Variants in MARK1 observed in about 807,000 individuals in gnomAD.
MARK1 encodes the protein serine/threonine-protein kinase MARK1.
A neutral mutation model predicts 96.3 loss-of-function variants in MARK1; 40 were observed. The observed-to-expected ratio is 0.42, with a 90% CI of 0.32 to 0.54. The LOEUF (loss-of-function observed/expected upper bound fraction) is 0.54. Among genes scored for constraint, MARK1 ranks in the 20% least tolerant of loss-of-function variants. The probability of loss-of-function intolerance (pLI) is 0.16; values close to 1 mark genes in which losing one functional copy is unlikely to be tolerated. For synonymous variants in MARK1, 317 were observed against 341.2 expected, an observed-to-expected ratio of 0.93 and a Z score of 0.78; for missense variants, 719 against 984.6, an observed-to-expected ratio of 0.73 and a Z score of 3.61.
intron 3 of MARK1, among the ~76,000 whole-genome samples, chr1:220,584,358 T>C (rs899933847): frequency 6.6e-6 from 1 of 152,244 alleles, no homozygotes. Flanking sequence ...TGTCATTATA[T>C]AATAGATGAC....
chr1:220,661,741 T>C, intron 17 of MARK1, 71 bp from the exon 18 acceptor site: 8 of 1,165,654 alleles, frequency 6.9e-6, no homozygotes, highest in Non-Finnish European at 9.6e-6. Context: ...ACTTAGATTT[T>C]ATGTGTGTTT....
rs779551896 is a variant in MARK1 at position 220,653,172 on chromosome 1, G to A, written c.1808G>A (p.Arg603His). ...SISTATPDRT[R>H]FPRGSSSRST... is the part of the protein sequence containing the mutation. Reference sequence around the variant, plus strand: ...AGTACTGCGACTCCAGACCGGACCCGTTTTCCCCGAGGGAGCTCAAGCCGA... The same window carrying A: ...AGTACTGCGACTCCAGACCGGACCCATTTTCCCCGAGGGAGCTCAAGCCGA... Residue 603 changes from arginine to histidine, a missense_variant, in exon 16 of 18, where the codon CGT becomes CAT. Transcript: ENST00000366917. The A allele has an allele frequency of 1.2e-5, 20 of 1,614,094 alleles. No homozygotes were observed. The East Asian group carries it at 1.8e-4, about 14-fold the overall frequency.
chr1:220,575,192 C>G (rs1350050218), intron 1 of MARK1, among the ~76,000 whole-genome samples: 2 of 152,176 alleles, frequency 1.3e-5, no homozygotes, highest in Non-Finnish European at 1.5e-5. Context: ...ACACTGCACA[C>G]TCAGGGCAAG....
At chr1:220,552,791 T>C (rs923514097) in intron 1 of MARK1, among the ~76,000 whole-genome samples, 3 of 152,094 alleles carry the variant, frequency 2.0e-5, no homozygotes, top group Admixed American at 6.5e-5. Flanking sequence ...ATGAAAGTAG[T>C]CTAAAATAAT....
intron 1 of MARK1, among the ~76,000 whole-genome samples, chr1:220,544,079 G>C (rs778390545): frequency 1.3e-5 from 2 of 152,308 alleles, no homozygotes; most frequent in Middle Eastern, 3.4e-3. Context: ...TTTTCTGTAA[G>C]TAGTAAGGTA....
intron 3 of MARK1, among the ~76,000 whole-genome samples, chr1:220,583,378 A>G (rs1416613543): frequency 6.6e-6 from 1 of 152,158 alleles, no homozygotes; most frequent in East Asian, 1.9e-4. Context: ...TGATACACCA[A>G]CTGCTTAATA....
intron 17 of MARK1, among the ~76,000 whole-genome samples, chr1:220,659,839 G>A (rs1669376472): frequency 6.6e-6 from 1 of 151,924 alleles, no homozygotes; most frequent in Non-Finnish European, 1.5e-5. Context: ...TGCCTAGGCT[G>A]GAGTGCAGTG....
chr1:220,635,734 A>G, intron 12 of MARK1, 99 bp from the exon 13 acceptor site: 1 of 1,199,032 alleles, frequency 8.3e-7, no homozygotes, highest in Admixed American at 2.6e-5. Flanking sequence ...AGTTTAAAGC[A>G]TGCAAATATG....
intron 9 of MARK1, among the ~76,000 whole-genome samples, chr1:220,628,703 T>C (rs971864559): frequency 1.3e-5 from 2 of 152,284 alleles, no homozygotes; most frequent in African/African-American, 4.8e-5. Context: ...CCACAACTTT[T>C]GTACAGCATC....
At chr1:220,646,954 G>A (rs548325961) in intron 13 of MARK1, among the ~76,000 whole-genome samples, 1 of 152,126 alleles carries the variant, frequency 6.6e-6, no homozygotes, top group East Asian at 1.9e-4. Flanking sequence ...AAAATCCCTA[G>A]AAGAAAATCT....
intron 16 of MARK1, among the ~76,000 whole-genome samples, chr1:220,656,958 C>T (rs1669210760): frequency 6.6e-6 from 1 of 151,950 alleles, no homozygotes; most frequent in Admixed American, 6.6e-5. Flanking sequence ...ATTCTTATTG[C>T]ATTCGTTTTA....
chr1:220,579,310 A>G (rs1490729629), intron 1 of MARK1, 44 bp from the exon 2 acceptor site: 1 of 1,304,800 alleles, frequency 7.7e-7, no homozygotes, highest in Admixed American at 1.8e-5. Flanking sequence ...GTCCTTTTAT[A>G]ATATAATTTA....
intron 10 of MARK1, 141 bp downstream of exon 10, chr1:220,631,275 A>G (rs1323318830): frequency 1.9e-6 from 1 of 526,872 alleles, no homozygotes; most frequent in African/African-American, 1.9e-5. Context: ...TAATGATAAT[A>G]TGCTGAAAAT....
intron 11 of MARK1, among the ~76,000 whole-genome samples, chr1:220,633,765 T>C (rs377362665): frequency 6.6e-6 from 1 of 152,232 alleles, no homozygotes; most frequent in Non-Finnish European, 1.5e-5. Context: ...ATTTCCAATA[T>C]GGAAGACTGT....
chr1:220,613,826 A>G (rs1237696904), intron 6 of MARK1, among the ~76,000 whole-genome samples: 2 of 152,162 alleles, frequency 1.3e-5, no homozygotes, highest in Admixed American at 6.5e-5. Flanking sequence ...CACCCTGCCC[A>G]AGAACATCTA....
chr1:220,618,815 A>G lies in MARK1; in HGVS notation c.909+60A>G. 1 of 1,429,758 alleles carries G rather than the reference A, an allele frequency of 7.0e-7. No individual in the cohort carries two copies. The highest frequency in any genetic ancestry group is 9.4e-7 in the Non-Finnish European group (1 of 1,064,196). The allele number at this position is 1,429,758 out of a possible 1,614,324, so 88.6% of individuals were successfully genotyped here. On this transcript the variant is annotated intron_variant, in intron 9 of 17. Coordinates refer to ENST00000366917, the MANE Select transcript of MARK1 (RefSeq NM_018650.5). This position sits in a 1 kb window ranked among gnomAD's most constrained non-coding sequence, Gnocchi z 4.6. ...AACAATTAAAATATTCCAGGAACCG[A>G]AGAGCATTTTTCTCCTATGTTTTCT...
Position 220,615,990 on chromosome 1 carries a change from C to A in MARK1, c.547C>A (p.Leu183Ile). 1 of 1,518,806 alleles carries A rather than the reference C, an allele frequency of 6.6e-7. No homozygotes were observed. The highest frequency in any genetic ancestry group is 9.0e-7 in the Non-Finnish European group (1 of 1,105,424). The allele number at this position is 1,518,806 out of a possible 1,614,324, so 94.1% of individuals were successfully genotyped here. Residue 183 changes from leucine (L) to isoleucine (I), a missense_variant, in exon 7 of 18, where the codon CTT becomes ATT. This residue lies in a region of MARK1 where 96 missense variants were observed against 213.1 expected (regional missense o/e 0.45). Coordinates refer to ENST00000366917, the MANE Select transcript of MARK1 (RefSeq NM_018650.5). ...CHQKYIVHRD[L>I]KAENLLLDGD... ...TCAAAAGTACATTGTTCACCGTGAT[C>A]TTAAGGTAAGCTTCTGAGTGTAATT... is the stretch of plus-strand genomic sequence containing the variant.
At chr1:220,546,606 C>T (rs1661506758) in intron 1 of MARK1, among the ~76,000 whole-genome samples, 1 of 152,146 alleles carries the variant, frequency 6.6e-6, no homozygotes, top group African/African-American at 2.4e-5. Context: ...TTTCTATTAC[C>T]ACCTCTTCAG....
intron 9 of MARK1, chr1:220,626,434 G>A (rs770523592): frequency 3.7e-5 from 20 of 544,152 alleles, no homozygotes; most frequent in East Asian, 2.0e-4. Context: ...TGGGATTGAC[G>A]ACAAGTCCTA....
Sources: allele counts gnomAD v4.1 joint callset (sites outside exome capture counted in the v4.1 genomes callset), GRCh38; gene constraint gnomAD v4.1.1; regional missense constraint gnomAD v4.1.1; non-coding constraint Gnocchi (gnomAD v3.1); transcripts MANE v1.5; gene names NCBI Gene and HGNC (gene_info 2026-07-23, HGNC 2026-07-21).